Variants in ATP11C observed in about 807,000 individuals in gnomAD.
The protein encoded by ATP11C is phospholipid-transporting ATPase IG.
A neutral mutation model predicts 97.4 loss-of-function variants in ATP11C; 36 were observed. That is an observed-to-expected ratio of 0.37 (90% CI 0.28 to 0.49). ATP11C has a LOEUF of 0.49. Among genes scored for constraint, ATP11C ranks in the 20% least tolerant of loss-of-function variants. The pLI is 0.98. For synonymous variants in ATP11C, 275 were observed against 290.9 expected (o/e 0.95, Z 0.56); for missense variants, 730 against 824.6 (o/e 0.89, Z 1.40).
chrX:139,825,898 G>A (rs2083516476), intron 2 of ATP11C, among the ~76,000 whole-genome samples: 1 of 112,394 alleles, frequency 8.9e-6, no homozygotes, highest in South Asian at 3.7e-4. Flanking sequence ...TGGTCAGCCA[G>A]AGGTAAAGAC....
In ATP11C at chrX:139,728,325, TC is replaced by T. The variant is rs978969223; in HGVS notation, c.*640del. ...CAAAAATACCCGTAAGTTAACACTTTCCACATAAGCGTTCAAGGTATTTTTT... is the reference window on the plus strand; with the variant it reads ...CAAAAATACCCGTAAGTTAACACTTTCACATAAGCGTTCAAGGTATTTTTT... On this transcript the variant is annotated 3_prime_UTR_variant, in exon 30 of 30. Coordinates refer to ENST00000682941, the MANE Select transcript of ATP11C (RefSeq NM_001353812.2). 2 of 112,429 alleles carry T rather than the reference TC, an allele frequency of 1.8e-5. No individual in the cohort carries two copies. The highest frequency in any genetic ancestry group is 3.2e-5 in the African/African-American group (1 of 30,961). 9.3% of individuals were successfully genotyped at this position (112,429 alleles called of 1,213,427 possible).
chrX:139,891,390 A>T (rs1033628526), intron 1 of ATP11C, among the ~76,000 whole-genome samples: 1 of 111,421 alleles, frequency 9.0e-6, no homozygotes, highest in African/African-American at 3.3e-5. Context: ...CCGAACTTAA[A>T]ATAAAAGTTA....
intron 14 of ATP11C, among the ~76,000 whole-genome samples, chrX:139,787,773 C>T (rs757526381): frequency 4.1e-4 from 46 of 112,380 alleles, no homozygotes; most frequent in East Asian, 3.6e-3. Context: ...TCTGATTCTA[C>T]GGCTAACACA....
At chrX:139,864,274 T>C (rs1210503488) in intron 1 of ATP11C, among the ~76,000 whole-genome samples, 1 of 111,812 alleles carries the variant, frequency 8.9e-6, no homozygotes, top group African/African-American at 3.3e-5. Flanking sequence ...ACAGTGTATT[T>C]TTAGGATTTA....
chrX:139,784,051 T>C (rs185373327), intron 16 of ATP11C, among the ~76,000 whole-genome samples: 1 of 112,158 alleles, frequency 8.9e-6, no homozygotes, highest in Non-Finnish European at 1.9e-5. Context: ...GCTGGTATAA[T>C]TGCAGCTTTA....
At chrX:139,934,349 A>G (rs1465970767), upstream of ATP11C, among the ~76,000 whole-genome samples, 2 of 110,594 alleles carry the variant, frequency 1.8e-5, no homozygotes, top group Admixed American at 9.6e-5. Flanking sequence ...AGTAAAACCA[A>G]CCGTTTTCAA....
chrX:139,864,535 T>C (rs1042249377), intron 1 of ATP11C, among the ~76,000 whole-genome samples: 2 of 112,221 alleles, frequency 1.8e-5, no homozygotes, highest in African/African-American at 3.2e-5. Context: ...CCAAGTTACT[T>C]AGCCATTCTG....
intron 1 of ATP11C, among the ~76,000 whole-genome samples, chrX:139,912,085 G>A (rs754923671): frequency 1.0e-5 from 1 of 99,747 alleles, no homozygotes. Context: ...TGAGGCAGGC[G>A]AATCGCTTGA....
At chrX:139,834,096 A>T (rs997120399) in intron 1 of ATP11C, among the ~76,000 whole-genome samples, 2 of 111,938 alleles carry the variant, frequency 1.8e-5, no homozygotes, top group African/African-American at 3.3e-5. Context: ...GGCTCTACAG[A>T]AGAGGCACGG....
chrX:139,775,600 T>C (rs2082331922), intron 18 of ATP11C, among the ~76,000 whole-genome samples: 1 of 112,548 alleles, frequency 8.9e-6, no homozygotes, highest in Non-Finnish European at 1.9e-5. Flanking sequence ...GACTGTCCCT[T>C]AAGGAACTCA....
intron 1 of ATP11C, among the ~76,000 whole-genome samples, chrX:139,856,368 T>C (rs1005736707): frequency 6.2e-5 from 7 of 113,123 alleles, no homozygotes; most frequent in Admixed American, 5.6e-4. Flanking sequence ...AGGAAACTTA[T>C]CACTCCTTGG....
At chrX:139,851,790 T>C (rs1230426403) in intron 1 of ATP11C, among the ~76,000 whole-genome samples, 1 of 112,303 alleles carries the variant, frequency 8.9e-6, no homozygotes, top group African/African-American at 3.2e-5. Context: ...TTAATGTTGT[T>C]TTCCCTGAAG....
chrX:139,919,499 CTTAT>C (rs2085220797), intron 1 of ATP11C, among the ~76,000 whole-genome samples: 1 of 103,173 alleles, frequency 9.7e-6, no homozygotes, highest in South Asian at 4.4e-4. Flanking sequence ...ACACAAACTA[CTTAT>C]TTAAGTGAGG....
intron 23 of ATP11C, among the ~76,000 whole-genome samples, chrX:139,755,147 G>A (rs1381967579): frequency 1.8e-5 from 2 of 111,802 alleles, no homozygotes; most frequent in African/African-American, 6.5e-5. Flanking sequence ...TTCAGGATAC[G>A]AAATCAATGT....
chrX:139,739,479 A>G (rs930374272), intron 27 of ATP11C, among the ~76,000 whole-genome samples: 6 of 111,200 alleles, frequency 5.4e-5, no homozygotes, highest in Admixed American at 3.8e-4. Context: ...GACCACATTC[A>G]GCTGAAGTTT....
intron 1 of ATP11C, among the ~76,000 whole-genome samples, chrX:139,923,535 T>A (rs961638025): frequency 8.9e-6 from 1 of 112,215 alleles, no homozygotes; most frequent in Non-Finnish European, 1.9e-5. Flanking sequence ...CCAAGAAAGC[T>A]GTGATTCACA....
chrX:139,727,661 GACAAAAAAAAA>G lies in ATP11C; in HGVS notation c.*1294_*1304del, dbSNP rs2081273658. Reference sequence around the variant, plus strand: ...AATAATAGTACAGGCATGCCAGAAAGACAAAAAAAAAACAAAAAAACTAGCAGTCAAATAAA... The same window carrying G: ...AATAATAGTACAGGCATGCCAGAAAGACAAAAAAACTAGCAGTCAAATAAA... On this transcript the variant is annotated 3_prime_UTR_variant, in exon 30 of 30. Coordinates refer to ENST00000682941, the MANE Select transcript of ATP11C (RefSeq NM_001353812.2). 1 of 104,596 alleles carries G rather than the reference GACAAAAAAAAA, an allele frequency of 9.6e-6. No individual in the cohort carries two copies. 8.6% of individuals were successfully genotyped at this position (104,596 alleles called of 1,213,427 possible). A position where few individuals can be genotyped will look rare whatever the true frequency, so the allele number is the denominator to read the frequency against.
intron 7 of ATP11C, among the ~76,000 whole-genome samples, chrX:139,801,204 A>C (rs2082920941): frequency 8.9e-6 from 1 of 112,520 alleles, no homozygotes; most frequent in African/African-American, 3.2e-5. Context: ...TAGCTCAGGC[A>C]GAATAAGTTA....
intron 1 of ATP11C, among the ~76,000 whole-genome samples, chrX:139,875,174 C>T (rs923642028): frequency 8.1e-5 from 9 of 111,206 alleles, no homozygotes; most frequent in African/African-American, 2.3e-4. Flanking sequence ...CCTGGTTTCT[C>T]ATCTGGCCAC....
Sources: gnomAD v4.1 joint callset for allele counts (sites outside exome capture counted in the v4.1 genomes callset) on GRCh38, gnomAD v4.1.1 for gene constraint, MANE v1.5 for transcripts, NCBI Gene and HGNC (gene_info 2026-07-23, HGNC 2026-07-21) for gene names.